PNPLA1: variants seen among roughly 807,000 people sequenced by gnomAD.
PNPLA1 encodes the protein omega-hydroxyceramide transacylase.
Under a neutral mutation model 51.7 loss-of-function variants are expected in PNPLA1, and 36 were observed. The observed-to-expected ratio is 0.70, with a 90% CI of 0.53 to 0.92. PNPLA1 has a LOEUF of 0.92. PNPLA1 is among the 40% of genes least tolerant of loss of function. The pLI is 0.00. For synonymous variants in PNPLA1, 293 were observed against 280.1 expected (o/e 1.05, Z -0.46); for missense variants, 658 against 682.5 (o/e 0.96, Z 0.40).
At chr6:36,276,423 A>G (rs1770099925) in intron 1 of PNPLA1, among the ~76,000 whole-genome samples, 1 of 152,180 alleles carries the variant, frequency 6.6e-6, no homozygotes, top group Admixed American at 6.5e-5. Flanking sequence ...TTCAAGGCAC[A>G]TGAAAATGTT....
intron 5 of PNPLA1, among the ~76,000 whole-genome samples, chr6:36,298,850 C>T (rs1339705346): frequency 3.9e-5 from 6 of 152,142 alleles, no homozygotes; most frequent in South Asian, 2.1e-4. Context: ...GCGATTCTCC[C>T]GCCTCAGCCT....
At chr6:36,260,367 T>TG (rs1769620728) in intron 1 of PNPLA1, among the ~76,000 whole-genome samples, 1 of 152,104 alleles carries the variant, frequency 6.6e-6, no homozygotes, top group Non-Finnish European at 1.5e-5. Flanking sequence ...CCTTACAACT[T>TG]GGGGGGAAAA....
intron 5 of PNPLA1, among the ~76,000 whole-genome samples, chr6:36,298,121 TATAA>T (rs1365897617): frequency 1.3e-5 from 2 of 152,200 alleles, no homozygotes; most frequent in African/African-American, 2.4e-5. Flanking sequence ...TTGTTGAATG[TATAA>T]ATAGTTTGTT....
chr6:36,269,814 C>T (rs1409766087), upstream of PNPLA1, among the ~76,000 whole-genome samples: 1 of 152,120 alleles, frequency 6.6e-6, no homozygotes, highest in Non-Finnish European at 1.5e-5. Context: ...GTAAGAAAAA[C>T]AAATAAAAAT....
chr6:36,282,077 GA>G (rs1451421035), intron 1 of PNPLA1, among the ~76,000 whole-genome samples: 6 of 127,602 alleles, frequency 4.7e-5, no homozygotes, highest in South Asian at 2.7e-4. Context: ...AAGAAAGAAA[GA>G]AAGAAAGAAA....
chr6:36,311,338 C>A (rs1328567264), intron 8 of PNPLA1, among the ~76,000 whole-genome samples: 1 of 152,154 alleles, frequency 6.6e-6, no homozygotes, highest in African/African-American at 2.4e-5. Context: ...ATTCCAGGCA[C>A]ACGGGATGGC....
chr6:36,257,430 G>A (rs896026996), intron 1 of PNPLA1, among the ~76,000 whole-genome samples: 8 of 152,202 alleles, frequency 5.3e-5, no homozygotes, highest in Non-Finnish European at 1.0e-4. Context: ...CTCTGCCATA[G>A]ATGGCACAGC....
chr6:36,266,238 C>T (rs527535457), upstream of PNPLA1, among the ~76,000 whole-genome samples: 27 of 152,226 alleles, frequency 1.8e-4, no homozygotes, highest in Non-Finnish European at 2.6e-4. Context: ...GCGAGAACCA[C>T]CTGCTAAGCC....
intron 6 of PNPLA1, 134 bp downstream of exon 6, chr6:36,302,603 T>C (rs1771098733): frequency 2.4e-6 from 3 of 1,241,076 alleles, no homozygotes; most frequent in Non-Finnish European, 3.3e-6. Flanking sequence ...AGCATCTCTG[T>C]CCATTATGAG....
chr6:36,275,240 G>A (rs1266266191), intron 1 of PNPLA1, among the ~76,000 whole-genome samples: 2 of 151,972 alleles, frequency 1.3e-5, no homozygotes, highest in Non-Finnish European at 2.9e-5. Flanking sequence ...CACCACGCCC[G>A]GCTAATTTTA....
chr6:36,296,993 C>T (rs539089220), intron 5 of PNPLA1, among the ~76,000 whole-genome samples: 17 of 152,280 alleles, frequency 1.1e-4, no homozygotes, highest in African/African-American at 4.1e-4. Context: ...GCCACAAGCC[C>T]TTATCACAAT....
chr6:36,301,122 A>G (rs1013158637), intron 5 of PNPLA1, among the ~76,000 whole-genome samples: 2 of 63,166 alleles, frequency 3.2e-5, no homozygotes, highest in African/African-American at 1.2e-4. Flanking sequence ...CCGCCCCCCC[A>G]CCCACCCACT....
intron 1 of PNPLA1, among the ~76,000 whole-genome samples, chr6:36,277,651 G>T (rs947031802): frequency 2.6e-5 from 4 of 152,176 alleles, no homozygotes; most frequent in Admixed American, 6.5e-5. Flanking sequence ...ATTGCTTAAG[G>T]CCAAGAGTTT....
chr6:36,261,957 T>G (rs890347981), intron 1 of PNPLA1, among the ~76,000 whole-genome samples: 3 of 152,174 alleles, frequency 2.0e-5, no homozygotes, highest in Non-Finnish European at 4.4e-5. Flanking sequence ...TCAGGGTGCC[T>G]TTATTTCTTT....
chr6:36,295,044 AG>A (rs1331112365), intron 4 of PNPLA1, among the ~76,000 whole-genome samples: 1 of 152,226 alleles, frequency 6.6e-6, no homozygotes, highest in African/African-American at 2.4e-5. Context: ...ACCTGAACTC[AG>A]GCTCCAAACT....
intron 5 of PNPLA1, among the ~76,000 whole-genome samples, chr6:36,300,361 AT>A (rs1771003341): frequency 6.6e-6 from 1 of 151,764 alleles, no homozygotes; most frequent in Non-Finnish European, 1.5e-5. Flanking sequence ...CCCCCGGCTA[AT>A]TTTTTGTATT....
Position 36,291,383 on chromosome 6 carries a change from T to G in PNPLA1, c.269T>G (p.Leu90Trp). The G allele has an allele frequency of 6.2e-7, 1 of 1,614,146 alleles. No individual in the cohort carries two copies. Among genetic ancestry groups the G allele is most frequent in the African/African-American group, 1.3e-5 (1 of 75,024 alleles). Residue 90 changes from leucine to tryptophan, a missense_variant, in exon 2 of 9, where the codon TTG (leucine) becomes TGG (tryptophan). Leu to Trp is a moderately conservative substitution (Grantham distance 61, BLOSUM62 -2). Transcript: ENST00000636260. ...AEVKKSFLGP[L>W]SPSCKMVQMM... ...GTGAAGAAATCCTTCCTGGGGCCCT[T>G]GTCCCCGTCCTGTAAGATGGTGCAG...
chr6:36,266,901 T>C (rs1214798152), upstream of PNPLA1, among the ~76,000 whole-genome samples: 1 of 152,186 alleles, frequency 6.6e-6, no homozygotes, highest in African/African-American at 2.4e-5. Context: ...TAAATTAACA[T>C]TTTCAGGAGG....
intron 1 of PNPLA1, among the ~76,000 whole-genome samples, chr6:36,288,281 A>G (rs1176446740): frequency 6.6e-6 from 1 of 152,194 alleles, no homozygotes; most frequent in Non-Finnish European, 1.5e-5. Flanking sequence ...TCAATAAATA[A>G]TGGTATAACC....
Sources: gnomAD v4.1 joint callset for allele counts (sites outside exome capture counted in the v4.1 genomes callset) on GRCh38, gnomAD v4.1.1 for gene constraint, MANE v1.5 for transcripts, NCBI Gene and HGNC (gene_info 2026-07-23, HGNC 2026-07-21) for gene names.